The following PRH1 variants were observed in gnomAD, a reference collection of about 807,000 sequenced individuals.
The protein encoded by PRH1 is salivary acidic proline-rich phosphoprotein 1/2.
A neutral mutation model predicts 7.9 loss-of-function variants in PRH1; 7 were observed. That is an observed-to-expected ratio of 0.89 (90% CI 0.50 to 1.67). PRH1 has a LOEUF of 1.67. Ranked by LOEUF, PRH1 falls within the 40% of genes most tolerant of loss-of-function variation. The pLI, the probability that PRH1 is intolerant of heterozygous loss-of-function variation, is 0.00. For synonymous variants in PRH1, 45 were observed against 80.8 expected (o/e 0.56, Z 2.38); for missense variants, 109 against 223.6 (o/e 0.49, Z 3.27).
chr12:11,134,372 T>C (rs1465454399), intron 1 of PRH1: 1 of 1,152,208 alleles, frequency 8.7e-7, no homozygotes, highest in Non-Finnish European at 1.2e-6. Flanking sequence ...TCTTTTTACT[T>C]TTAATTGCTG....
At chr12:10,892,090 G>A (rs1291260419) in intron 2 of PRH1, among the ~76,000 whole-genome samples, 1 of 152,264 alleles carries the variant, frequency 6.6e-6, no homozygotes, top group Admixed American at 6.5e-5. Context: ...GCATTCAATA[G>A]GTTGCAGGGC....
chr12:11,074,029 G>A (rs1944194103), intron 1 of PRH1, among the ~76,000 whole-genome samples: 1 of 142,538 alleles, frequency 7.0e-6, no homozygotes, highest in South Asian at 2.1e-4. Flanking sequence ...ACATCTGAGT[G>A]GCACAAGGAG....
chr12:11,104,181 TAAAA>T (rs760838136), intron 1 of PRH1, among the ~76,000 whole-genome samples: 14 of 49,578 alleles, frequency 2.8e-4, no homozygotes, highest in South Asian at 2.0e-3. Context: ...AATGAAAGAG[TAAAA>T]AAAAAAAAAA....
chr12:10,901,253 G>A (rs1949719327), intron 2 of PRH1, among the ~76,000 whole-genome samples: 1 of 152,170 alleles, frequency 6.6e-6, no homozygotes, highest in African/African-American at 2.4e-5. Flanking sequence ...CAGAAATCTT[G>A]GTTGGTGGGG....
intron 2 of PRH1, among the ~76,000 whole-genome samples, chr12:10,973,114 G>T (rs185566965): frequency 1.7e-3 from 259 of 151,994 alleles, no homozygotes; most frequent in African/African-American, 6.0e-3. Flanking sequence ...AGGTCTATAA[G>T]TAAGTTATCC....
chr12:11,157,068 G>A (rs960077389), intron 1 of PRH1, among the ~76,000 whole-genome samples: 12 of 151,708 alleles, frequency 7.9e-5, no homozygotes, highest in Admixed American at 2.6e-4. Flanking sequence ...GGATGGTCTC[G>A]ATCTCCTGAC....
At chr12:10,991,649 C>T (rs1161796895) in intron 1 of PRH1, among the ~76,000 whole-genome samples, 2 of 151,844 alleles carry the variant, frequency 1.3e-5, no homozygotes, top group Non-Finnish European at 2.9e-5. Context: ...AACCATGTGG[C>T]TACATTATCT....
chr12:11,071,621 G>A (rs1357994480), intron 1 of PRH1, among the ~76,000 whole-genome samples: 2 of 152,174 alleles, frequency 1.3e-5, no homozygotes, highest in African/African-American at 4.8e-5. Flanking sequence ...ACCCTCTAAT[G>A]GTGTTGACTC....
chr12:11,104,510 G>C (rs1404878818), intron 1 of PRH1, among the ~76,000 whole-genome samples: 1 of 152,014 alleles, frequency 6.6e-6, no homozygotes, highest in Non-Finnish European at 1.5e-5. Flanking sequence ...TTATTCTGTT[G>C]TAAACATGTC....
At chr12:11,074,154 T>C (rs113715163) in intron 1 of PRH1, among the ~76,000 whole-genome samples, 30,169 of 104,872 alleles carry the variant, frequency 0.29, 6,296 homozygotes, top group Non-Finnish European at 0.35. Context: ...CTTGAATGTA[T>C]CTGTGGGCAT....
At chr12:11,121,290 G>C (rs1177516746) in intron 1 of PRH1, 1 of 152,132 alleles carries the variant, frequency 6.6e-6, no homozygotes, top group Non-Finnish European at 1.5e-5. Flanking sequence ...TCAATATATT[G>C]ATTAGACAGA....
In PRH1 at chr12:10,957,493, C is replaced by T. The variant is rs550098174; in HGVS notation, c.-59+16162G>A. Among the ~76,000 whole-genome samples, 699 of 152,166 alleles carry T rather than the reference C, an allele frequency of 4.6e-3. 6 individuals carry two copies. The highest frequency in any genetic ancestry group is 0.016 in the African/African-American group (673 of 41,536). Reference sequence around the variant, plus strand: ...AAAAATAACCTAGTAAACACCATTCCTGCATAGGACCTGGCAAAGATTTCA... The same window carrying T: ...AAAAATAACCTAGTAAACACCATTCTTGCATAGGACCTGGCAAAGATTTCA... On this transcript the variant is annotated intron_variant, in intron 2 of 3. Transcript: ENST00000539853.
At chr12:10,985,557 G>GT (rs1165223171) in intron 1 of PRH1, among the ~76,000 whole-genome samples, 1 of 152,124 alleles carries the variant, frequency 6.6e-6, no homozygotes, top group Non-Finnish European at 1.5e-5. Flanking sequence ...TTGAGATAAT[G>GT]TGTCACTTCT....
chr12:11,023,321 A>G (rs573446052), intron 1 of PRH1, among the ~76,000 whole-genome samples: 1 of 152,226 alleles, frequency 6.6e-6, no homozygotes, highest in Non-Finnish European at 1.5e-5. Flanking sequence ...CCAGGAACTC[A>G]TCCAGGTGGT....
At chr12:11,024,444 C>CT (rs1941810120) in intron 1 of PRH1, among the ~76,000 whole-genome samples, 1 of 152,188 alleles carries the variant, frequency 6.6e-6, no homozygotes, top group African/African-American at 2.4e-5. Context: ...TTATGATGGT[C>CT]TTTTTTTAAT....
intron 1 of PRH1, among the ~76,000 whole-genome samples, chr12:10,999,946 T>C (rs1249709871): frequency 6.6e-6 from 1 of 152,162 alleles, no homozygotes; most frequent in East Asian, 1.9e-4. Context: ...ATGGATTTAC[T>C]GTAATCTTTC....
At chr12:10,918,404 T>G (rs577362485) in intron 2 of PRH1, among the ~76,000 whole-genome samples, 1 of 151,876 alleles carries the variant, frequency 6.6e-6, no homozygotes, top group Non-Finnish European at 1.5e-5. Flanking sequence ...TTTTAAAAGA[T>G]CCACATGATC....
intron 1 of PRH1, chr12:11,061,875 C>T: frequency 6.2e-7 from 1 of 1,613,936 alleles, no homozygotes; most frequent in Non-Finnish European, 8.5e-7. Flanking sequence ...GATGACAAAC[C>T]AAAAATAGCA....
chr12:11,159,665 C>G (rs188755351), intron 1 of PRH1: 2 of 152,182 alleles, frequency 1.3e-5, no homozygotes, highest in African/African-American at 4.8e-5. Context: ...TTGCCACCAC[C>G]AGAAAGAAAA....
Sources: gnomAD v4.1 joint callset for allele counts (sites outside exome capture counted in the v4.1 genomes callset) on GRCh38, gnomAD v4.1.1 for gene constraint, MANE v1.5 for transcripts, NCBI Gene and HGNC (gene_info 2026-07-23, HGNC 2026-07-21) for gene names.